Variants in LMX1B observed in about 807,000 individuals in gnomAD.
The protein encoded by LMX1B is LIM homeobox transcription factor 1 beta.
LMX1B carries 12 observed loss-of-function variants against 51.4 expected under a neutral mutation model. That is an observed-to-expected ratio of 0.23 (90% confidence interval 0.15 to 0.38). The LOEUF (loss-of-function observed/expected upper bound fraction) is 0.38, where lower values mean the gene tolerates loss of function less well. Ranked by LOEUF, LMX1B falls within the 10% of genes least tolerant of loss-of-function variation. LMX1B has a pLI of 1.00. For synonymous variants in LMX1B, 237 were observed against 235.4 expected, an observed-to-expected ratio of 1.01 and a Z score of -0.06; for missense variants, 445 against 571.1, an observed-to-expected ratio of 0.78 and a Z score of 2.25.
intron 2 of LMX1B, among the ~76,000 whole-genome samples, chr9:126,624,288 A>C (rs1835477909): frequency 6.6e-6 from 1 of 152,174 alleles, no homozygotes; most frequent in African/African-American, 2.4e-5. Flanking sequence ...TACGCGGTCC[A>C]GAAAGAGCCA....
chr9:126,670,290 A>ACGTGTG (rs1341043867), intron 2 of LMX1B, among the ~76,000 whole-genome samples: 1 of 152,242 alleles, frequency 6.6e-6, no homozygotes, highest in Non-Finnish European at 1.5e-5. Flanking sequence ...ACGGGTGGAC[A>ACGTGTG]CGTGTGCATG....
intron 2 of LMX1B, among the ~76,000 whole-genome samples, chr9:126,647,249 C>T (rs553702210): frequency 6.6e-6 from 1 of 152,000 alleles, no homozygotes; most frequent in Non-Finnish European, 1.5e-5. Flanking sequence ...TCAAATAATA[C>T]AGACTATATA....
At chr9:126,659,963 C>A (rs577906259) in intron 2 of LMX1B, among the ~76,000 whole-genome samples, 1 of 151,088 alleles carries the variant, frequency 6.6e-6, no homozygotes, top group East Asian at 2.0e-4. Context: ...GTGGGGGTGT[C>A]TACACTGGCT....
chr9:126,615,252 G>T lies in LMX1B; in HGVS notation c.140-131G>T, dbSNP rs1320806666. ...GGCCCCTGGCGCGGCGGTCCGGGGAGCGCAGGCGGCAGGCGGTGATCCCGG... is the reference window on the plus strand; with the variant it reads ...GGCCCCTGGCGCGGCGGTCCGGGGATCGCAGGCGGCAGGCGGTGATCCCGG... On this transcript the variant is annotated intron_variant, in intron 1 of 7. Transcript: ENST00000373474. The surrounding 1 kb of genome is among the most constrained non-coding windows in gnomAD (Gnocchi z 6.0). The T allele has an allele frequency of 2.3e-6, 1 of 439,296 alleles. No homozygotes were observed. Among genetic ancestry groups the T allele is most frequent in the Non-Finnish European group, 3.3e-6 (1 of 299,958 alleles). The allele number at this position is 439,296 out of a possible 1,614,324, so 27.2% of individuals were successfully genotyped here. A position where few individuals can be genotyped will look rare whatever the true frequency, so the allele number is the denominator to read the frequency against.
intron 2 of LMX1B, among the ~76,000 whole-genome samples, chr9:126,648,990 A>T (rs1835954086): frequency 6.6e-6 from 1 of 152,082 alleles, no homozygotes; most frequent in Non-Finnish European, 1.5e-5. Flanking sequence ...ACACCCGCCC[A>T]TCCAGAACCT....
At chr9:126,653,999 C>G (rs1244753750) in intron 2 of LMX1B, among the ~76,000 whole-genome samples, 1 of 152,180 alleles carries the variant, frequency 6.6e-6, no homozygotes, top group African/African-American at 2.4e-5. Flanking sequence ...CAGGCTTGGT[C>G]TTGCCAATCC....
In LMX1B at chr9:126,658,904, A is replaced by G. The variant is rs553249140; in HGVS notation, c.327-31932A>G. The stretch of plus-strand genomic sequence containing the variant: ...CTTCCTGGGGACATGAGAAGTCCAT[A>G]CTGGAGGCAAGAGGCACCCAGAAGC... On this transcript the variant is annotated intron_variant, in intron 2 of 7. Transcript: ENST00000373474. The surrounding 1 kb of genome is among the most constrained non-coding windows in gnomAD (Gnocchi z 4.0). Among the ~76,000 whole-genome samples, 156 of 152,246 alleles carry G rather than the reference A, an allele frequency of 1.0e-3. No homozygotes were observed. The highest frequency in any genetic ancestry group is 3.4e-3 in the Middle Eastern group (1 of 294).
intron 3 of LMX1B, among the ~76,000 whole-genome samples, chr9:126,691,717 A>G (rs1165593773): frequency 1.3e-5 from 2 of 152,146 alleles, no homozygotes; most frequent in African/African-American, 2.4e-5. Flanking sequence ...CCTGAGAGGC[A>G]GGGAGATGAT....
chr9:126,668,735 T>C (rs1165921668), intron 2 of LMX1B, among the ~76,000 whole-genome samples: 1 of 152,160 alleles, frequency 6.6e-6, no homozygotes, highest in Non-Finnish European at 1.5e-5. Context: ...ATTACAGGCA[T>C]GAGCCACCGT....
rs1338451220 is a variant in LMX1B, at chr9:126,615,493, G to A, written c.250G>A (p.Ala84Thr). 1.9e-6 allele frequency: 3 copies of A among 1,611,774 alleles called. No homozygotes were observed. In the East Asian group the frequency reaches 6.7e-5, roughly 36 times the overall value. The change falls in exon 2 of 8, where the codon GCG becomes ACG. Residue 84 changes from alanine to threonine, a missense_variant. Ala to Thr is a moderately conservative substitution (Grantham distance 58, BLOSUM62 0). Transcript: ENST00000373474. The surrounding 1 kb of genome is among the most constrained non-coding windows in gnomAD (Gnocchi z 6.0). ...CTGGCACGAGGAGTGTTTGCAGTGC[G>A]CGGCGTGTCAGCAAGCCCTCACCAC... Reference protein sequence around the residue: ...SSWHEECLQCAACQQALTTSC... With the variant: ...SSWHEECLQCTACQQALTTSC...
chr9:126,614,146 T>C lies in LMX1B; in HGVS notation c.-304T>C, dbSNP rs1472831313. ...GCCGCCGCCGCCTCCTCCCCGCGGCTCCGTCTGCAGCAGCCGCCGCCGCCG... is the reference window on the plus strand; with the variant it reads ...GCCGCCGCCGCCTCCTCCCCGCGGCCCCGTCTGCAGCAGCCGCCGCCGCCG... On this transcript the variant is annotated 5_prime_UTR_variant, in exon 1 of 8. Coordinates refer to ENST00000373474, the MANE Select transcript of LMX1B (RefSeq NM_001174147.2). Among the ~76,000 whole-genome samples, 12 of 138,200 alleles carry C rather than the reference T, an allele frequency of 8.7e-5. No homozygotes were observed. Among genetic ancestry groups the C allele is most frequent in the Non-Finnish European group, 1.7e-4 (11 of 63,602 alleles). 90.7% of individuals were successfully genotyped at this position (138,200 alleles called of 152,430 possible).
At chr9:126,696,026 G>A (rs776843607) in intron 7 of LMX1B, 23 bp downstream of exon 7, 22 of 807,064 alleles carry the variant, frequency 2.7e-5, no homozygotes, top group East Asian at 1.2e-4. Context: ...ACCCCCACCC[G>A]CCCGCCCCAG....
chr9:126,696,535 GCT>G lies in LMX1B; in HGVS notation c.*88_*89del, dbSNP rs1554729061. 6.6e-6 allele frequency: 10 copies of G among 1,506,774 alleles called. No homozygotes were observed. Among genetic ancestry groups the G allele is most frequent in the Non-Finnish European group, 9.2e-6 (10 of 1,087,534 alleles). 93.3% of individuals were successfully genotyped at this position (1,506,774 alleles called of 1,614,324 possible). A position where few individuals can be genotyped will look rare whatever the true frequency, so the allele number is the denominator to read the frequency against. On this transcript the variant is annotated 3_prime_UTR_variant, in exon 8 of 8. Transcript: ENST00000373474. The stretch of plus-strand genomic sequence containing the variant: ...CGGCCAGCCTGGCCACCCCCGCCCT[GCT>G]CTCCGCACAGACTACAGACAGCCAT...
intron 2 of LMX1B, among the ~76,000 whole-genome samples, chr9:126,634,448 T>C (rs1010971793): frequency 1.3e-5 from 2 of 152,194 alleles, no homozygotes; most frequent in Non-Finnish European, 2.9e-5. Flanking sequence ...CTCCAGGTCC[T>C]GCCCTCGGCT....
chr9:126,652,724 G>T (rs1182330162), intron 2 of LMX1B, among the ~76,000 whole-genome samples: 2 of 152,202 alleles, frequency 1.3e-5, no homozygotes, highest in Admixed American at 6.5e-5. Context: ...CATGATGGGG[G>T]TCCCTGCCAA....
chr9:126,684,028 G>C (rs922716326), intron 2 of LMX1B, among the ~76,000 whole-genome samples: 2 of 152,126 alleles, frequency 1.3e-5, no homozygotes, highest in African/African-American at 4.8e-5. Context: ...CATGCCCCAA[G>C]TCCATGAGCC....
At chr9:126,688,531 G>T (rs934911282) in intron 2 of LMX1B, among the ~76,000 whole-genome samples, 1 of 152,194 alleles carries the variant, frequency 6.6e-6, no homozygotes, top group Non-Finnish European at 1.5e-5. Context: ...GGGGCAGTAG[G>T]GGTTGGGGGA....
rs367695564 is a variant in LMX1B at position 126,696,267 on chromosome 9, G to A, written c.1052-27G>A. 275 of 1,612,774 alleles carry A rather than the reference G, an allele frequency of 1.7e-4. No homozygotes were observed. In the African/African-American group the frequency reaches 2.5e-3, roughly 15 times the overall value. On this transcript the variant is annotated intron_variant, in intron 7 of 7. Coordinates refer to ENST00000373474, the MANE Select transcript of LMX1B (RefSeq NM_001174147.2). ...CCCCAGGAGCCCCAGCCTGTACCCCGGTCCTGACACCCCTTCTGCCCCCCA... is the reference window on the plus strand; with the variant it reads ...CCCCAGGAGCCCCAGCCTGTACCCCAGTCCTGACACCCCTTCTGCCCCCCA...
At position 126,658,615 on chromosome 9, in the gene LMX1B, G is replaced by A. The variant is rs1320126925; in HGVS notation, c.327-32221G>A. Among the ~76,000 whole-genome samples the A allele has an allele frequency of 3.9e-5, 6 of 152,226 alleles. No homozygotes were observed. The highest frequency in any genetic ancestry group is 2.1e-4 in the South Asian group (1 of 4,832). On this transcript the variant is annotated intron_variant, in intron 2 of 7. Transcript: ENST00000373474. This position sits in a 1 kb window ranked among gnomAD's most constrained non-coding sequence, Gnocchi z 4.0. ...GTAACCAATTTAAAGGCAGGCGGCC[G>A]CACCCGGCAGCGTTATTACCTTGTC... is the stretch of plus-strand genomic sequence containing the variant.
Sources: allele counts gnomAD v4.1 joint callset (sites outside exome capture counted in the v4.1 genomes callset), GRCh38; gene constraint gnomAD v4.1.1; non-coding constraint Gnocchi (gnomAD v3.1); transcripts MANE v1.5; gene names NCBI Gene and HGNC (gene_info 2026-07-23, HGNC 2026-07-21).